The following EPHA7 variants were observed in gnomAD, a reference collection of about 807,000 sequenced individuals.
The protein encoded by EPHA7 is ephrin type-A receptor 7.
In EPHA7, 25 loss-of-function variants were observed where a neutral mutation model predicts 112.6. That is an observed-to-expected ratio of 0.22 (90% CI 0.16 to 0.31). The LOEUF is 0.31. Among genes scored for constraint, EPHA7 ranks in the 10% least tolerant of loss-of-function variants. EPHA7 has a pLI of 1.00. For missense variants in EPHA7, 962 were observed against 1,212.6 expected, an observed-to-expected ratio of 0.79 and a Z score of 3.07; for synonymous variants, 437 against 406.5, an observed-to-expected ratio of 1.07 and a Z score of -0.90.
intron 5 of EPHA7, among the ~76,000 whole-genome samples, chr6:93,299,762 G>A (rs1360278096): frequency 6.6e-6 from 1 of 152,132 alleles, no homozygotes; most frequent in Non-Finnish European, 1.5e-5. Context: ...AGAAAACGTG[G>A]TACATATACA....
chr6:93,379,042 A>C (rs1226974075), intron 3 of EPHA7, among the ~76,000 whole-genome samples: 1 of 152,180 alleles, frequency 6.6e-6, no homozygotes, highest in Non-Finnish European at 1.5e-5. Context: ...GGCTGAAATG[A>C]ATAAAATTAT....
At chr6:93,281,523 G>T (rs918386798) in intron 5 of EPHA7, among the ~76,000 whole-genome samples, 1 of 152,038 alleles carries the variant, frequency 6.6e-6, no homozygotes, top group Non-Finnish European at 1.5e-5. Context: ...GACAGCTATG[G>T]CCTACAACCA....
intron 3 of EPHA7, among the ~76,000 whole-genome samples, chr6:93,398,544 C>T (rs1778289390): frequency 6.6e-6 from 1 of 150,492 alleles, no homozygotes; most frequent in Non-Finnish European, 1.5e-5. Flanking sequence ...GATAAATGAA[C>T]ATTTAATGCC....
At chr6:93,258,307 C>T (rs201258385) in intron 10 of EPHA7, 23 bp from the exon 11 acceptor site, 3 of 1,510,130 alleles carry the variant, frequency 2.0e-6, no homozygotes, top group Admixed American at 2.3e-5. Flanking sequence ...AACAAGCAGG[C>T]ATATTTTAGT....
intron 13 of EPHA7, among the ~76,000 whole-genome samples, chr6:93,255,462 T>C (rs1770400793): frequency 6.6e-6 from 1 of 152,218 alleles, no homozygotes; most frequent in African/African-American, 2.4e-5. Context: ...TCTTTTTTTC[T>C]AATCTTACAA....
intron 6 of EPHA7, 58 bp from the exon 7 acceptor site, chr6:93,269,718 G>A (rs1771118084): frequency 9.0e-6 from 12 of 1,331,660 alleles, no homozygotes; most frequent in Non-Finnish European, 1.2e-5. Flanking sequence ...CAATTTGACA[G>A]CCAACTGTTT....
chr6:93,349,871 T>C (rs1775604572), intron 5 of EPHA7, among the ~76,000 whole-genome samples: 1 of 151,796 alleles, frequency 6.6e-6, no homozygotes, highest in Non-Finnish European at 1.5e-5. Flanking sequence ...CACAGTTGAG[T>C]CACATTAATT....
intron 5 of EPHA7, among the ~76,000 whole-genome samples, chr6:93,287,982 G>A (rs1235036174): frequency 1.3e-5 from 2 of 152,140 alleles, no homozygotes; most frequent in Admixed American, 6.5e-5. Context: ...TACGTTGTTG[G>A]TAGAAATGCA....
chr6:93,263,000 C>T (rs1382880281), intron 9 of EPHA7, among the ~76,000 whole-genome samples: 1 of 151,138 alleles, frequency 6.6e-6, no homozygotes, highest in African/African-American at 2.4e-5. Flanking sequence ...CATCTTATGT[C>T]ATGGGAAATT....
At chr6:93,381,649 T>C (rs1000810018) in intron 3 of EPHA7, among the ~76,000 whole-genome samples, 1 of 152,120 alleles carries the variant, frequency 6.6e-6, no homozygotes, top group Non-Finnish European at 1.5e-5. Flanking sequence ...TCAATGGTTG[T>C]TGGAACAAAT....
chr6:93,345,644 C>T (rs765342564), intron 5 of EPHA7, among the ~76,000 whole-genome samples: 4 of 151,668 alleles, frequency 2.6e-5, no homozygotes, highest in African/African-American at 9.7e-5. Context: ...ACAAAGGGAA[C>T]CAAAGTCATA....
chr6:93,410,953 T>G lies in EPHA7; in HGVS notation c.380A>C (p.Tyr127Ser), dbSNP rs774043406. 1.2e-6 allele frequency: 2 copies of G among 1,614,054 alleles called. 1 individual carries two copies. The highest frequency in any genetic ancestry group is 1.7e-6 in the Non-Finnish European group (2 of 1,179,960). Residue 127 changes from tyrosine to serine, a missense_variant, in exon 3 of 17, where the codon TAT (tyrosine) becomes TCT (serine). Transcript: ENST00000369303. The surrounding 1 kb of genome is among the most constrained non-coding windows in gnomAD (Gnocchi z 4.0). ...GCCAGTGTCATAGTCTGTTTCATAA[T>G]AGTACAAATTAAATGTTTCCTTGCA... ...GTCKETFNLYYYETDYDTGRN... is the reference protein window; with the variant it reads ...GTCKETFNLYSYETDYDTGRN...
At position 93,317,872 on chromosome 6, in the gene EPHA7, C is replaced by T. The variant is rs139642123; in HGVS notation, c.1324+38845G>A. Among the ~76,000 whole-genome samples the T allele has an allele frequency of 2.7e-4, 41 of 152,244 alleles. 1 individual carries two copies. The East Asian group carries it at 7.9e-3, about 29-fold the overall frequency. On this transcript the variant is annotated intron_variant, in intron 5 of 16. Transcript: ENST00000369303. The stretch of plus-strand genomic sequence containing the variant: ...ACTAGAGAGAGATAAAGCAGCTTAT[C>T]TAATGAGGTTACATATGAATTGGAA...
chr6:93,255,251 G>A (rs1275554411), intron 13 of EPHA7, among the ~76,000 whole-genome samples: 1 of 152,072 alleles, frequency 6.6e-6, no homozygotes, highest in Non-Finnish European at 1.5e-5. Context: ...GGAAGGCTGA[G>A]GCAGGAGCAT....
Position 93,246,696 on chromosome 6 carries a change from AAAGTCAATTT to A in EPHA7, c.2726+86_2726+95del, listed in dbSNP as rs112071437. On this transcript the variant is annotated intron_variant, in intron 15 of 16. Transcript: ENST00000369303. ...TAATATGAGTTTATACGTCAACACA[AAAGTCAATTT>A]GCCATTGTGGTGGGGTGGAGGAGAT... The A allele has an allele frequency of 1.2e-3, 1,255 of 1,086,960 alleles. 8 individuals carry two copies. In the African/African-American group the frequency reaches 0.018, roughly 15 times the overall value. The allele number at this position is 1,086,960 out of a possible 1,614,324, so 67.3% of individuals were successfully genotyped here.
At chr6:93,285,811 T>C (rs2099300422) in intron 5 of EPHA7, among the ~76,000 whole-genome samples, 1 of 152,204 alleles carries the variant, frequency 6.6e-6, no homozygotes, top group African/African-American at 2.4e-5. Context: ...AACTAGGATA[T>C]AAATATAAAG....
At chr6:93,400,848 C>A (rs561591934) in intron 3 of EPHA7, among the ~76,000 whole-genome samples, 1 of 152,124 alleles carries the variant, frequency 6.6e-6, no homozygotes, top group South Asian at 2.1e-4. Context: ...AGAATGATTT[C>A]TTTAAAAAGT....
rs1310087687 is a variant in EPHA7 at position 93,279,012 on chromosome 6, AG to A, written c.1325-6591del. ...AGGGATCTGCTCAGTAGGCAGTAGC[AG>A]TCTCAGAAGCTGCAGATACTAGAAG... On this transcript the variant is annotated intron_variant, in intron 5 of 16. Transcript: ENST00000369303. Among the ~76,000 whole-genome samples, 3 of 152,240 alleles carry A rather than the reference AG, an allele frequency of 2.0e-5. No individual in the cohort carries two copies. The East Asian group carries it at 5.8e-4, about 29-fold the overall frequency.
chr6:93,319,719 G>C (rs1773974999), intron 5 of EPHA7, among the ~76,000 whole-genome samples: 1 of 152,072 alleles, frequency 6.6e-6, no homozygotes, highest in South Asian at 2.1e-4. Flanking sequence ...GGAAATGCTG[G>C]GGGCTACATA....
Sources: gnomAD v4.1 joint callset for allele counts (sites outside exome capture counted in the v4.1 genomes callset) on GRCh38, gnomAD v4.1.1 for gene constraint, Gnocchi (gnomAD v3.1) non-coding constraint, MANE v1.5 for transcripts, NCBI Gene and HGNC (gene_info 2026-07-23, HGNC 2026-07-21) for gene names.